Variants in THEMIS observed in about 807,000 individuals in gnomAD.
The protein encoded by THEMIS is thymocyte selection associated.
In THEMIS, 37 loss-of-function variants were observed where a neutral mutation model predicts 52.6. The ratio of observed to expected loss-of-function variants is 0.70; its 90% confidence interval spans 0.54 to 0.93. The LOEUF (loss-of-function observed/expected upper bound fraction) is 0.93. Among genes scored for constraint, THEMIS ranks in the 40% least tolerant of loss-of-function variants. THEMIS has a pLI of 0.00. For synonymous variants in THEMIS, 292 were observed against 272.7 expected (o/e 1.07, Z -0.70); for missense variants, 808 against 763.1 (o/e 1.06, Z -0.69).
chr6:127,726,286 G>A (rs966179584), intron 4 of THEMIS, among the ~76,000 whole-genome samples: 6 of 152,092 alleles, frequency 3.9e-5, no homozygotes, highest in Non-Finnish European at 7.4e-5. Flanking sequence ...AAAGAAAGAT[G>A]CCTGAATCTA....
At chr6:127,910,777 T>C (rs2114529740) in intron 1 of THEMIS, among the ~76,000 whole-genome samples, 1 of 152,270 alleles carries the variant, frequency 6.6e-6, no homozygotes, top group Middle Eastern at 3.4e-3. Flanking sequence ...GAAGCCAATA[T>C]TGAGATATTA....
chr6:127,787,848 G>C (rs1347829324), intron 4 of THEMIS, among the ~76,000 whole-genome samples: 1 of 111,032 alleles, frequency 9.0e-6, no homozygotes, highest in Non-Finnish European at 1.8e-5. Flanking sequence ...GAGATAGACA[G>C]ATATAGATAG....
At chr6:127,804,980 T>C (rs1396180623) in intron 4 of THEMIS, among the ~76,000 whole-genome samples, 1 of 152,150 alleles carries the variant, frequency 6.6e-6, no homozygotes, top group East Asian at 1.9e-4. Flanking sequence ...TCCTTTTATA[T>C]ATTGTGTGAC....
intron 1 of THEMIS, among the ~76,000 whole-genome samples, chr6:127,906,924 G>T (rs970739168): frequency 1.3e-5 from 2 of 151,040 alleles, no homozygotes; most frequent in East Asian, 3.9e-4. Context: ...TTCCTAAAAA[G>T]TAAGTAGAAC....
rs148341656 is a variant in THEMIS, at chr6:127,817,455, A to G, written c.710-3524T>C. ...CTTAAACAATGGCCTGTTCAATGCA[A>G]TAAATACTTGTATTTAATGTCTTCA... On this transcript the variant is annotated intron_variant, in intron 3 of 5. Transcript: ENST00000368248. Among the ~76,000 whole-genome samples, 273 of 152,338 alleles carry G rather than the reference A, an allele frequency of 1.8e-3. 1 individual carries two copies. The highest frequency in any genetic ancestry group is 6.5e-3 in the African/African-American group (269 of 41,576).
chr6:127,885,711 C>T (rs1780624441), intron 1 of THEMIS, among the ~76,000 whole-genome samples: 1 of 151,858 alleles, frequency 6.6e-6, no homozygotes. Context: ...AAAATCTTAA[C>T]TCTGAAGAAG....
intron 4 of THEMIS, among the ~76,000 whole-genome samples, chr6:127,789,358 G>A (rs187474492): frequency 2.0e-5 from 3 of 152,206 alleles, no homozygotes; most frequent in Non-Finnish European, 2.9e-5. Context: ...ATCGATTACA[G>A]GTTCTGAAAT....
intron 4 of THEMIS, among the ~76,000 whole-genome samples, chr6:127,766,241 T>C (rs1776195217): frequency 6.6e-6 from 1 of 152,194 alleles, no homozygotes; most frequent in Non-Finnish European, 1.5e-5. Context: ...TCTTTACATC[T>C]TTTTAATGCA....
chr6:127,907,772 T>A (rs887695695), intron 1 of THEMIS, among the ~76,000 whole-genome samples: 3 of 152,054 alleles, frequency 2.0e-5, no homozygotes, highest in African/African-American at 7.2e-5. Context: ...ATAAATGGCT[T>A]CCATTTGAAA....
chr6:127,794,657 G>T (rs886392743), intron 4 of THEMIS, among the ~76,000 whole-genome samples: 7 of 152,108 alleles, frequency 4.6e-5, no homozygotes, highest in Non-Finnish European at 1.0e-4. Flanking sequence ...TCTTTCCTCT[G>T]TCTGGAACAT....
intron 2 of THEMIS, among the ~76,000 whole-genome samples, chr6:127,840,388 A>AT (rs1428529619): frequency 3.9e-5 from 6 of 152,046 alleles, no homozygotes; most frequent in African/African-American, 1.2e-4. Context: ...TCAGAATAAG[A>AT]TTTTTTCCCA....
chr6:127,758,080 T>A (rs1014410196), intron 4 of THEMIS, among the ~76,000 whole-genome samples: 1 of 151,442 alleles, frequency 6.6e-6, no homozygotes, highest in Admixed American at 6.6e-5. Flanking sequence ...TACTTATACA[T>A]GTTCATAACA....
At chr6:127,862,428 A>ATTTTTTTTTTTTGTTTTTTTTTTTT (rs1779834828) in intron 1 of THEMIS, among the ~76,000 whole-genome samples, 1 of 72,808 alleles carries the variant, frequency 1.4e-5, no homozygotes, top group African/African-American at 4.8e-5. Context: ...TAGGGAGTAA[A>ATTTTTTTTTTTTGTTTTTTTTTTTT]TTTTTTTTTT....
intron 4 of THEMIS, among the ~76,000 whole-genome samples, chr6:127,734,225 T>C (rs11752750): frequency 0.046 from 6,964 of 152,302 alleles, 196 homozygotes; most frequent in Non-Finnish European, 0.07. Flanking sequence ...GAGACAACCA[T>C]ACAGATTTGA....
chr6:127,917,850 T>C (rs1246665124), intron 1 of THEMIS, among the ~76,000 whole-genome samples: 1 of 152,232 alleles, frequency 6.6e-6, no homozygotes, highest in African/African-American at 2.4e-5. Context: ...AGCTGTTACT[T>C]TCCCTGACTT....
chr6:127,804,290 G>A (rs1373797908), intron 4 of THEMIS, among the ~76,000 whole-genome samples: 1 of 152,130 alleles, frequency 6.6e-6, no homozygotes, highest in Non-Finnish European at 1.5e-5. Context: ...GTTTAACTGT[G>A]CCAAATAGTA....
At chr6:127,756,415 T>C (rs1250155440) in intron 4 of THEMIS, among the ~76,000 whole-genome samples, 2 of 152,194 alleles carry the variant, frequency 1.3e-5, no homozygotes, top group Non-Finnish European at 2.9e-5. Flanking sequence ...GGTGGCTGTA[T>C]ACATATTTCC....
chr6:127,732,385 A>G (rs1033923121), intron 4 of THEMIS, among the ~76,000 whole-genome samples: 4 of 152,176 alleles, frequency 2.6e-5, no homozygotes, highest in Non-Finnish European at 5.9e-5. Flanking sequence ...GCTTATAAGT[A>G]CAATATTTTA....
At position 127,778,524 on chromosome 6, in the gene THEMIS, C is replaced by T. The variant is rs114200201; in HGVS notation, c.1758+34359G>A. 6.0e-3 allele frequency among the ~76,000 whole-genome samples: 911 copies of T among 152,142 alleles called. 13 individuals carry two copies. Among genetic ancestry groups the T allele is most frequent in the African/African-American group, 0.021 (868 of 41,540 alleles). On this transcript the variant is annotated intron_variant, in intron 4 of 5. Transcript: ENST00000368248. ...TTACATTTAATGTGATTATAGACGC[C>T]GCCTCTTTCAGGGAATCTACTTATT...
Sources: gnomAD v4.1 joint callset for allele counts (sites outside exome capture counted in the v4.1 genomes callset) on GRCh38, gnomAD v4.1.1 for gene constraint, MANE v1.5 for transcripts, NCBI Gene and HGNC (gene_info 2026-07-23, HGNC 2026-07-21) for gene names.